CASR: variants seen among roughly 807,000 people sequenced by gnomAD.
CASR encodes calcium sensing receptor.
CASR carries 23 observed loss-of-function variants against 69.1 expected under a neutral mutation model. The ratio of observed to expected loss-of-function variants is 0.33; its 90% CI spans 0.24 to 0.47. The LOEUF is 0.47. CASR is among the 20% of genes least tolerant of loss of function. The pLI is 1.00. For missense variants in CASR, 924 were observed against 1,356.1 expected, an observed-to-expected ratio of 0.68 and a Z score of 5.00; for synonymous variants, 541 against 544.7, an observed-to-expected ratio of 0.99 and a Z score of 0.10.
At chr3:122,272,837 A>G (rs2074775324) in intron 4 of CASR, among the ~76,000 whole-genome samples, 1 of 152,172 alleles carries the variant, frequency 6.6e-6, no homozygotes, top group Non-Finnish European at 1.5e-5. Context: ...CTACTTAGAA[A>G]CTTTAAGAAA....
At chr3:122,210,078 GA>G in intron 1 of CASR, among the ~76,000 whole-genome samples, 1 of 152,138 alleles carries the variant, frequency 6.6e-6, no homozygotes, top group Non-Finnish European at 1.5e-5. Flanking sequence ...GGTATTGATG[GA>G]ACATACCTCA....
In CASR at chr3:122,225,850, A is replaced by G. The variant is rs529043783; in HGVS notation, c.-242-28098A>G. 2.0e-5 allele frequency among the ~76,000 whole-genome samples: 3 copies of G among 152,346 alleles called. No individual in the cohort carries two copies. The South Asian group carries it at 6.2e-4, about 32-fold the overall frequency. The stretch of plus-strand genomic sequence containing the variant: ...GATGCCCATCAGTGGTGGACTGGAT[A>G]AAGAAAATGTGGTACATATATGCTA... On this transcript the variant is annotated intron_variant, in intron 1 of 6. Transcript: ENST00000639785.
At chr3:122,253,249 C>CA (rs1003943270) in intron 1 of CASR, among the ~76,000 whole-genome samples, 1 of 152,122 alleles carries the variant, frequency 6.6e-6, no homozygotes, top group Non-Finnish European at 1.5e-5. Flanking sequence ...TATTTTCTTT[C>CA]TTTTTTTCTG....
At chr3:122,280,579 T>A (rs1174621603) in intron 5 of CASR, among the ~76,000 whole-genome samples, 1 of 152,162 alleles carries the variant, frequency 6.6e-6, no homozygotes, top group African/African-American at 2.4e-5. Context: ...TGAGTTGTCC[T>A]TTTCCCTCCC....
At chr3:122,258,567 G>A (rs907581160) in intron 3 of CASR, among the ~76,000 whole-genome samples, 18 of 152,112 alleles carry the variant, frequency 1.2e-4, no homozygotes, top group East Asian at 1.9e-4. Flanking sequence ...TTAGATACAC[G>A]TTAAAGTAAG....
At chr3:122,276,402 G>A (rs561227434) in intron 5 of CASR, among the ~76,000 whole-genome samples, 14 of 152,196 alleles carry the variant, frequency 9.2e-5, no homozygotes, top group Non-Finnish European at 1.3e-4. Flanking sequence ...CTCGGCCAAG[G>A]GCAGGGGAGA....
intron 1 of CASR, among the ~76,000 whole-genome samples, chr3:122,220,681 T>C (rs2074161324): frequency 6.6e-6 from 1 of 152,204 alleles, no homozygotes; most frequent in Non-Finnish European, 1.5e-5. Context: ...ATTAAAATAT[T>C]AAGGACTTTG....
intron 1 of CASR, among the ~76,000 whole-genome samples, chr3:122,198,277 TGAAAG>T (rs1003653684): frequency 2.0e-5 from 3 of 152,172 alleles, no homozygotes; most frequent in African/African-American, 7.2e-5. Flanking sequence ...AATAAGTACT[TGAAAG>T]TAAGTAATTG....
chr3:122,245,946 A>G (rs565505569), intron 1 of CASR, among the ~76,000 whole-genome samples: 45 of 152,334 alleles, frequency 3.0e-4, no homozygotes, highest in Non-Finnish European at 5.1e-4. Context: ...GTGCACTGAC[A>G]AATCGGGGGG....
intron 1 of CASR, among the ~76,000 whole-genome samples, chr3:122,234,093 G>A (rs9831632): frequency 0.022 from 3,286 of 152,266 alleles, 110 homozygotes; most frequent in African/African-American, 0.074. Flanking sequence ...CACATCAGGC[G>A]CATAACTGTT....
At chr3:122,241,249 G>A (rs2074376857) in intron 1 of CASR, among the ~76,000 whole-genome samples, 1 of 151,866 alleles carries the variant, frequency 6.6e-6, no homozygotes, top group African/African-American at 2.4e-5. Flanking sequence ...TGAAAAGCGG[G>A]TGTTTTGAAA....
intron 1 of CASR, among the ~76,000 whole-genome samples, chr3:122,201,813 A>G (rs1298664731): frequency 1.8e-4 from 27 of 151,552 alleles, no homozygotes; most frequent in Non-Finnish European, 3.2e-4. Flanking sequence ...CCCACATCTC[A>G]GACGATGGGC....
chr3:122,253,675 C>T (rs1202699792), intron 1 of CASR, among the ~76,000 whole-genome samples: 1 of 152,212 alleles, frequency 6.6e-6, no homozygotes, highest in East Asian at 1.9e-4. Context: ...GGATTAAAAT[C>T]CAGCATCAGC....
intron 1 of CASR, among the ~76,000 whole-genome samples, chr3:122,225,900 G>A (rs1347408174): frequency 1.3e-5 from 2 of 152,164 alleles, no homozygotes; most frequent in Non-Finnish European, 2.9e-5. Context: ...GCCATAAAAA[G>A]GAACAAAATC....
rs755277801 is a variant in CASR at position 122,285,086 on chromosome 3, G to A, written c.3132G>A (p.Val1044=). The A allele has an allele frequency of 7.4e-6, 12 of 1,614,104 alleles. No homozygotes were observed. Among genetic ancestry groups the A allele is most frequent in the Admixed American group, 3.3e-5 (2 of 60,004 alleles). The change falls in exon 7 of 7, where the codon GTG becomes GTA. Residue 1044 remains valine, a synonymous_variant. Coordinates refer to ENST00000639785, the MANE Select transcript of CASR (RefSeq NM_000388.4). Reference sequence around the variant, plus strand: ...TGGGTGGAGACCAGCGGCCAGAGGTGGAGGACCCTGAAGAGTTGTCCCCAG... The same window carrying A: ...TGGGTGGAGACCAGCGGCCAGAGGTAGAGGACCCTGAAGAGTTGTCCCCAG... ...GPVGGDQRPE[V]EDPEELSPAL... is the part of the protein sequence containing the mutation.
At chr3:122,280,864 C>T (rs1164500800) in intron 5 of CASR, among the ~76,000 whole-genome samples, 1 of 152,204 alleles carries the variant, frequency 6.6e-6, no homozygotes, top group Non-Finnish European at 1.5e-5. Context: ...TTAAGCATTA[C>T]TCCAGGCTTT....
intron 5 of CASR, among the ~76,000 whole-genome samples, chr3:122,278,191 A>G (rs942997890): frequency 4.0e-5 from 1 of 24,940 alleles, no homozygotes; most frequent in African/African-American, 7.2e-5. Flanking sequence ...TAATATATAA[A>G]TGCAAAGTAT....
At position 122,291,319 on chromosome 3, in the gene CASR, T is replaced by C. The variant is rs912423919; in HGVS notation, c.*6128T>C. The C allele has an allele frequency of 3.3e-5, 5 of 151,624 alleles. No individual in the cohort carries two copies. The highest frequency in any genetic ancestry group is 1.3e-4 in the Admixed American group (2 of 15,206). 9.4% of individuals were successfully genotyped at this position (151,624 alleles called of 1,614,324 possible). A position where few individuals can be genotyped will look rare whatever the true frequency, so the allele number is the denominator to read the frequency against. On this transcript the variant is annotated 3_prime_UTR_variant, in exon 7 of 7. Transcript: ENST00000639785. Reference sequence around the variant, plus strand: ...GGAATCGCCACACTGACTTCCACAATGGTTGAACTAGTTTACAGTCCCACC... The same window carrying C: ...GGAATCGCCACACTGACTTCCACAACGGTTGAACTAGTTTACAGTCCCACC...
chr3:122,209,216 C>G (rs886837102), intron 1 of CASR, among the ~76,000 whole-genome samples: 1 of 152,014 alleles, frequency 6.6e-6, no homozygotes, highest in African/African-American at 2.4e-5. Context: ...AGAACACTGC[C>G]CTAAAGCAGT....
Sources: gnomAD v4.1 joint callset for allele counts (sites outside exome capture counted in the v4.1 genomes callset) on GRCh38, gnomAD v4.1.1 for gene constraint, MANE v1.5 for transcripts, NCBI Gene and HGNC (gene_info 2026-07-23, HGNC 2026-07-21) for gene names.